Variants in PCSK2 observed in about 807,000 individuals in gnomAD.
PCSK2 encodes the protein proprotein convertase subtilisin/kexin type 2, also known as neuroendocrine convertase 2.
Under a neutral mutation model 69.7 loss-of-function variants are expected in PCSK2, and 14 were observed. That is an observed-to-expected ratio of 0.20 (90% CI 0.13 to 0.31). The LOEUF (loss-of-function observed/expected upper bound fraction) is 0.31. Ranked by LOEUF, PCSK2 falls within the 10% of genes least tolerant of loss-of-function variation. The pLI, the probability that PCSK2 is intolerant of heterozygous loss-of-function variation, is 1.00. For missense variants in PCSK2, 544 were observed against 842.5 expected (o/e 0.65, Z 4.39); for synonymous variants, 307 against 320.7 (o/e 0.96, Z 0.46).
chr20:17,319,184 C>G (rs764993889), intron 2 of PCSK2, among the ~76,000 whole-genome samples: 7 of 152,048 alleles, frequency 4.6e-5, no homozygotes, highest in Non-Finnish European at 8.8e-5. Context: ...CAAGCTACGC[C>G]CCGATAAGAT....
chr20:17,351,803 T>A (rs1197502482), intron 2 of PCSK2, among the ~76,000 whole-genome samples: 1 of 152,066 alleles, frequency 6.6e-6, no homozygotes, highest in South Asian at 2.1e-4. Flanking sequence ...CAAAGATGCC[T>A]ACTCTCACCA....
chr20:17,278,378 T>C (rs930383040), intron 2 of PCSK2, among the ~76,000 whole-genome samples: 2 of 152,216 alleles, frequency 1.3e-5, no homozygotes, highest in Non-Finnish European at 2.9e-5. Context: ...CACTATGGAA[T>C]ACTATGCAGC....
intron 5 of PCSK2, among the ~76,000 whole-genome samples, chr20:17,381,458 TAAG>T (rs1400188862): frequency 2.0e-5 from 3 of 152,260 alleles, no homozygotes; most frequent in Admixed American, 2.0e-4. Flanking sequence ...ATTTTTTAAA[TAAG>T]GAGTTCAGTG....
At chr20:17,403,973 T>G (rs1182354608) in intron 5 of PCSK2, among the ~76,000 whole-genome samples, 1 of 152,190 alleles carries the variant, frequency 6.6e-6, no homozygotes, top group East Asian at 1.9e-4. Flanking sequence ...GTGGGTGAAC[T>G]GGGAAACAGC....
intron 1 of PCSK2, among the ~76,000 whole-genome samples, chr20:17,255,605 T>G (rs1987147479): frequency 1.3e-5 from 2 of 152,226 alleles, no homozygotes; most frequent in African/African-American, 2.4e-5. Context: ...CCTCCCAAAG[T>G]GCTGGGATTA....
At chr20:17,436,627 G>A (rs2032488990) in intron 7 of PCSK2, 81 bp from the exon 8 acceptor site, 1 of 1,244,732 alleles carries the variant, frequency 8.0e-7, no homozygotes. Flanking sequence ...AAGTACCCAG[G>A]GCCCAAGCCC....
intron 6 of PCSK2, among the ~76,000 whole-genome samples, chr20:17,413,269 G>T (rs1261403123): frequency 6.6e-6 from 1 of 152,182 alleles, no homozygotes; most frequent in Non-Finnish European, 1.5e-5. Flanking sequence ...CCATCAGTGT[G>T]CTGTATTCAG....
chr20:17,256,662 T>A (rs547010685), intron 1 of PCSK2, among the ~76,000 whole-genome samples: 1 of 151,660 alleles, frequency 6.6e-6, no homozygotes, highest in African/African-American at 2.4e-5. Context: ...CTGGGATACA[T>A]GTGCAGAACA....
chr20:17,367,029 T>C (rs1333076661), intron 4 of PCSK2, among the ~76,000 whole-genome samples: 1 of 151,896 alleles, frequency 6.6e-6, no homozygotes, highest in Admixed American at 6.6e-5. Context: ...CTTATTTAGA[T>C]AAGTTCGTTT....
At chr20:17,389,994 T>G (rs2031332560) in intron 5 of PCSK2, among the ~76,000 whole-genome samples, 1 of 152,212 alleles carries the variant, frequency 6.6e-6, no homozygotes, top group Non-Finnish European at 1.5e-5. Context: ...AACTTGGAAA[T>G]AATTCCAATG....
rs774047211 is a variant in PCSK2, at chr20:17,360,539, C to T, written c.404C>T (p.Thr135Ile). 1.2e-6 allele frequency: 2 copies of T among 1,606,532 alleles called. No homozygotes were observed. The highest frequency in any genetic ancestry group is 1.7e-6 in the Non-Finnish European group (2 of 1,174,314). ...LFTKQWYLIN[T>I]GQADGTPGLD... ...TTGAAATTCCTGTACCAGATCAATACTGGGCAAGCTGATGGCACTCCTGGC... is the reference window on the plus strand; with the variant it reads ...TTGAAATTCCTGTACCAGATCAATATTGGGCAAGCTGATGGCACTCCTGGC... The change falls in exon 4 of 12, where the codon ACT (threonine) becomes ATT (isoleucine). Residue 135 changes from threonine to isoleucine, a missense_variant. Around this residue, in one of 3 missense-constraint regions of PCSK2, gnomAD observed 187 missense variants for 399.8 expected, o/e 0.47. Coordinates refer to ENST00000262545, the MANE Select transcript of PCSK2 (RefSeq NM_002594.5).
At chr20:17,479,235 A>C in intron 11 of PCSK2, 1 of 1,281,462 alleles carries the variant, frequency 7.8e-7, no homozygotes, top group Non-Finnish European at 1.1e-6. Flanking sequence ...TGCACATTTC[A>C]CAATACATTT....
chr20:17,423,549 A>G (rs2032179664), intron 6 of PCSK2, among the ~76,000 whole-genome samples: 1 of 152,182 alleles, frequency 6.6e-6, no homozygotes, highest in South Asian at 2.1e-4. Context: ...TTCTCTACAG[A>G]ATGTAAATTA....
At chr20:17,407,467 T>A (rs562169273) in intron 5 of PCSK2, among the ~76,000 whole-genome samples, 1 of 152,336 alleles carries the variant, frequency 6.6e-6, no homozygotes, top group African/African-American at 2.4e-5. Context: ...TCTCTCGATA[T>A]TCCTACCCCA....
intron 5 of PCSK2, among the ~76,000 whole-genome samples, chr20:17,387,000 A>G (rs991679584): frequency 2.0e-5 from 3 of 152,178 alleles, no homozygotes; most frequent in African/African-American, 7.2e-5. Context: ...TCCTCTGTCC[A>G]GCTAGATGTT....
chr20:17,320,405 GA>G (rs1989828468), intron 2 of PCSK2, among the ~76,000 whole-genome samples: 1 of 152,218 alleles, frequency 6.6e-6, no homozygotes, highest in Admixed American at 6.5e-5. Context: ...CTGCAGCAGA[GA>G]AGAGCTGAAT....
rs1407077454 is a variant in PCSK2 at position 17,409,303 on chromosome 20, A to G, written c.584A>G (p.Tyr195Cys). Reference protein sequence around the residue: ...ASYDFSSNDPYPYPRYTDDWF... With the variant: ...ASYDFSSNDPCPYPRYTDDWF... ...TACGACTTCAGCAGCAACGACCCCTATCCTTACCCTCGGTACACAGATGAC... is the reference window on the plus strand; with the variant it reads ...TACGACTTCAGCAGCAACGACCCCTGTCCTTACCCTCGGTACACAGATGAC... Residue 195 changes from tyrosine (Y) to cysteine (C), a missense_variant, in exon 6 of 12, where the codon TAT (tyrosine) becomes TGT (cysteine). Tyr to Cys is a radical substitution (Grantham distance 194). Coordinates refer to ENST00000262545, the MANE Select transcript of PCSK2 (RefSeq NM_002594.5). 9 of 1,613,874 alleles carry G rather than the reference A, an allele frequency of 5.6e-6. No homozygotes were observed. The highest frequency in any genetic ancestry group is 1.7e-5 in the Admixed American group (1 of 60,002).
At chr20:17,418,687 G>T (rs2032055399) in intron 6 of PCSK2, among the ~76,000 whole-genome samples, 1 of 152,124 alleles carries the variant, frequency 6.6e-6, no homozygotes, top group Non-Finnish European at 1.5e-5. Flanking sequence ...TTGTTGGCTG[G>T]CATAGGACCC....
intron 2 of PCSK2, among the ~76,000 whole-genome samples, chr20:17,308,810 A>G (rs1016781875): frequency 1.3e-5 from 2 of 152,128 alleles, no homozygotes; most frequent in Non-Finnish European, 2.9e-5. Context: ...ACTCTGCCCC[A>G]TGTGGTCTCC....
Sources: gnomAD v4.1 joint callset for allele counts (sites outside exome capture counted in the v4.1 genomes callset) on GRCh38, gnomAD v4.1.1 for gene constraint, gnomAD v4.1.1 regional missense constraint, MANE v1.5 for transcripts, NCBI Gene and HGNC (gene_info 2026-07-23, HGNC 2026-07-21) for gene names.